The following DERA variants were observed in gnomAD, a reference collection of about 807,000 sequenced individuals.
DERA encodes the protein deoxyribose-phosphate aldolase.
In DERA, 15 loss-of-function variants were observed where a neutral mutation model predicts 41.1. The observed-to-expected ratio is 0.37, with a 90% CI of 0.24 to 0.56. The LOEUF (loss-of-function observed/expected upper bound fraction) is 0.56. Ranked by LOEUF, DERA falls within the 20% of genes least tolerant of loss-of-function variation. The pLI is 0.81. For synonymous variants in DERA, 139 were observed against 137.4 expected, an observed-to-expected ratio of 1.01 and a Z score of -0.08; for missense variants, 396 against 403.4, an observed-to-expected ratio of 0.98 and a Z score of 0.16.
At position 15,990,488 on chromosome 12, in the gene DERA, G is replaced by A. The variant is rs1186300581; in HGVS notation, c.637+8052G>A. On this transcript the variant is annotated intron_variant, in intron 6 of 8. Coordinates refer to ENST00000428559, the MANE Select transcript of DERA (RefSeq NM_015954.4). This position sits in a 1 kb window ranked among gnomAD's most constrained non-coding sequence, Gnocchi z 4.3. ...TTTTAAGTTCAGGGGTACAAGTACA[G>A]GTTTGTTACATAGGTGAACTTGTGT... Among the ~76,000 whole-genome samples the A allele has an allele frequency of 1.3e-5, 2 of 152,058 alleles. No homozygotes were observed. The highest frequency in any genetic ancestry group is 2.9e-5 in the Non-Finnish European group (2 of 67,974).
In DERA at chr12:15,911,431, G is replaced by T; in HGVS notation, c.31+17G>T. On this transcript the variant is annotated intron_variant, in intron 1 of 8. Transcript: ENST00000428559. The surrounding 1 kb of genome is among the most constrained non-coding windows in gnomAD (Gnocchi z 4.5). ...CCGAGCTCGGTAAGGGGCCCGCGGG[G>T]CTCCCCATCCCCTCTCCCTCGCGTT... 7.1e-7 allele frequency: 1 copy of T among 1,407,228 alleles called. No homozygotes were observed. Among genetic ancestry groups the T allele is most frequent in the East Asian group, 2.8e-5 (1 of 35,154 alleles). The allele number at this position is 1,407,228 out of a possible 1,614,324, so 87.2% of individuals were successfully genotyped here. A position where few individuals can be genotyped will look rare whatever the true frequency, so the allele number is the denominator to read the frequency against.
At chr12:16,002,158 G>A (rs1948880135) in intron 6 of DERA, among the ~76,000 whole-genome samples, 3 of 118,872 alleles carry the variant, frequency 2.5e-5, no homozygotes, top group South Asian at 2.7e-4. Flanking sequence ...CAACAGCCCT[G>A]GTGTGTGATG....
At chr12:15,961,034 G>A (rs1435527955) in intron 4 of DERA, among the ~76,000 whole-genome samples, 1 of 152,220 alleles carries the variant, frequency 6.6e-6, no homozygotes, top group African/African-American at 2.4e-5. Flanking sequence ...TCTGATGATA[G>A]GGAAGACACT....
In DERA at chr12:15,988,164, G is replaced by C. The variant is rs1014350266; in HGVS notation, c.637+5728G>C. Among the ~76,000 whole-genome samples the C allele has an allele frequency of 6.6e-6, 1 of 152,212 alleles. No homozygotes were observed. Among genetic ancestry groups the C allele is most frequent in the Non-Finnish European group, 1.5e-5 (1 of 68,034 alleles). On this transcript the variant is annotated intron_variant, in intron 6 of 8. Coordinates refer to ENST00000428559, the MANE Select transcript of DERA (RefSeq NM_015954.4). The surrounding 1 kb of genome is among the most constrained non-coding windows in gnomAD (Gnocchi z 6.0). Reference sequence around the variant, plus strand: ...ACAGGCCTAGCTGGGGGAGCCCTGAGTTCTGGGCTCCCAGAAGGGCCGCAG... The same window carrying C: ...ACAGGCCTAGCTGGGGGAGCCCTGACTTCTGGGCTCCCAGAAGGGCCGCAG...
rs528030813 is a variant in DERA, at chr12:15,957,021, A to G, written c.117A>G (p.Lys39=). ...AEQIQARRTV[K]KEWQAAWLLK... ...AAATCCAGGCTCGCAGAACCGTGAAAAAGGAGTGGCAGGTAAGGGTTCTTC... is the reference window on the plus strand; with the variant it reads ...AAATCCAGGCTCGCAGAACCGTGAAGAAGGAGTGGCAGGTAAGGGTTCTTC... The change falls in exon 2 of 9, where the codon AAA becomes AAG. Residue 39 remains lysine (K), a synonymous_variant. Transcript: ENST00000428559. The surrounding 1 kb of genome is among the most constrained non-coding windows in gnomAD (Gnocchi z 4.8). The G allele has an allele frequency of 1.2e-6, 2 of 1,613,816 alleles. No homozygotes were observed. Among genetic ancestry groups the G allele is most frequent in the South Asian group, 2.2e-5 (2 of 91,070 alleles).
rs1422489702 is a variant in DERA, at chr12:15,938,531, G to T, written c.32-18405G>T. The stretch of plus-strand genomic sequence containing the variant: ...AATCTATGTGTCTAAGTTGCATTTT[G>T]TGTTTATTAAGTTTAAAATTCTTGA... On this transcript the variant is annotated intron_variant, in intron 1 of 8. Coordinates refer to ENST00000428559, the MANE Select transcript of DERA (RefSeq NM_015954.4). This position sits in a 1 kb window ranked among gnomAD's most constrained non-coding sequence, Gnocchi z 4.1. Among the ~76,000 whole-genome samples the T allele has an allele frequency of 1.3e-5, 2 of 152,098 alleles. No homozygotes were observed. The highest frequency in any genetic ancestry group is 2.4e-5 in the African/African-American group (1 of 41,434).
In DERA at chr12:16,000,268, G is replaced by A. The variant is rs138991525; in HGVS notation, c.637+17832G>A. Among the ~76,000 whole-genome samples the A allele has an allele frequency of 6.6e-5, 10 of 152,214 alleles. No homozygotes were observed. The highest frequency in any genetic ancestry group is 2.0e-4 in the Admixed American group (3 of 15,294). ...TTATTGGTTTATTGCAGAACATAGC[G>A]CAGTCTAACCGCTTTTCCTCTACTT... On this transcript the variant is annotated intron_variant, in intron 6 of 8. Coordinates refer to ENST00000428559, the MANE Select transcript of DERA (RefSeq NM_015954.4). The surrounding 1 kb of genome is among the most constrained non-coding windows in gnomAD (Gnocchi z 4.8).
chr12:15,963,037 C>G, intron 5 of DERA, 90 bp downstream of exon 5: 2 of 1,480,310 alleles, frequency 1.4e-6, no homozygotes, highest in Non-Finnish European at 9.0e-7. Flanking sequence ...TTAGAGGTCA[C>G]TGTTCTAGGT....
intron 1 of DERA, among the ~76,000 whole-genome samples, chr12:15,944,203 C>G (rs1948429659): frequency 6.6e-6 from 1 of 152,088 alleles, no homozygotes; most frequent in Non-Finnish European, 1.5e-5. Context: ...GTGCATGTGT[C>G]TTTATAGCAG....
At chr12:15,920,911 A>C (rs1453477894) in intron 1 of DERA, among the ~76,000 whole-genome samples, 1 of 152,234 alleles carries the variant, frequency 6.6e-6, no homozygotes, top group African/African-American at 2.4e-5. Flanking sequence ...GCATTTTTAT[A>C]AGATTCCCAG....
chr12:15,958,178 T>G lies in DERA; in HGVS notation c.130-10T>G. ...TAAATTTACTTTGTTTTCACTTTTG[T>G]TTAAACCAGGCTGCTTGGCTCCTGA... On this transcript the variant is annotated splice_polypyrimidine_tract_variant and intron_variant, in intron 2 of 8. Coordinates refer to ENST00000428559, the MANE Select transcript of DERA (RefSeq NM_015954.4). The G allele has an allele frequency of 6.5e-7, 1 of 1,537,750 alleles. No homozygotes were observed. The highest frequency in any genetic ancestry group is 8.7e-7 in the Non-Finnish European group (1 of 1,144,356).
chr12:16,034,736 T>G (rs1366161732), intron 7 of DERA, among the ~76,000 whole-genome samples: 3 of 150,714 alleles, frequency 2.0e-5, no homozygotes, highest in African/African-American at 7.5e-5. Flanking sequence ...CATTGCAGAT[T>G]TATGTCTTCC....
At chr12:15,997,443 T>C (rs1948846104) in intron 6 of DERA, among the ~76,000 whole-genome samples, 2 of 152,218 alleles carry the variant, frequency 1.3e-5, no homozygotes, top group African/African-American at 4.8e-5. Flanking sequence ...AAAGGTTACA[T>C]TGCCATCACT....
chr12:15,969,324 G>C (rs974525781), intron 5 of DERA, among the ~76,000 whole-genome samples: 2 of 152,136 alleles, frequency 1.3e-5, no homozygotes, highest in African/African-American at 2.4e-5. Context: ...ATTTACCAGT[G>C]ACAGGGAAAT....
At chr12:15,949,081 C>T (rs959888885) in intron 1 of DERA, among the ~76,000 whole-genome samples, 5 of 152,138 alleles carry the variant, frequency 3.3e-5, no homozygotes, top group Admixed American at 6.5e-5. Context: ...GAGGGGTAAC[C>T]GGCCGTGTGG....
chr12:15,962,767 C>G, intron 4 of DERA, 46 bp from the exon 5 acceptor site: 10 of 1,437,324 alleles, frequency 7.0e-6, no homozygotes, highest in Middle Eastern at 2.1e-4. Context: ...TACTTTCTTT[C>G]TTCCCTCCTT....
Position 15,936,117 on chromosome 12 carries a change from A to T in DERA, c.32-20819A>T, listed in dbSNP as rs1279621377. 6.6e-6 allele frequency among the ~76,000 whole-genome samples: 1 copy of T among 152,180 alleles called. No homozygotes were observed. Among genetic ancestry groups the T allele is most frequent in the African/African-American group, 2.4e-5 (1 of 41,444 alleles). ...CCATGTGTTTTCTTACCAAATATTG[A>T]AGTCACACGTGGGTATTTCCACAAT... On this transcript the variant is annotated intron_variant, in intron 1 of 8. Coordinates refer to ENST00000428559, the MANE Select transcript of DERA (RefSeq NM_015954.4). The surrounding 1 kb of genome is among the most constrained non-coding windows in gnomAD (Gnocchi z 4.6).
chr12:15,914,951 T>C (rs570160458), intron 1 of DERA, among the ~76,000 whole-genome samples: 1 of 152,344 alleles, frequency 6.6e-6, no homozygotes, highest in South Asian at 2.1e-4. Context: ...AATATTTTTA[T>C]ATTTTTAGTA....
intron 1 of DERA, among the ~76,000 whole-genome samples, chr12:15,942,968 CA>C (rs1948419271): frequency 6.6e-6 from 1 of 152,140 alleles, no homozygotes; most frequent in Non-Finnish European, 1.5e-5. Flanking sequence ...TAGTGAGGAC[CA>C]AAGCTCAGCA....
Sources: gnomAD v4.1 joint callset for allele counts (sites outside exome capture counted in the v4.1 genomes callset) on GRCh38, gnomAD v4.1.1 for gene constraint, Gnocchi (gnomAD v3.1) non-coding constraint, MANE v1.5 for transcripts, NCBI Gene and HGNC (gene_info 2026-07-23, HGNC 2026-07-21) for gene names.